Variants in BLOC1S5 observed in about 807,000 individuals in gnomAD.
The protein encoded by BLOC1S5 is biogenesis of lysosomal organelles complex 1 subunit 5, also known as biogenesis of lysosome-related organelles complex 1 subunit 5.
BLOC1S5 carries 27 observed loss-of-function variants against 24.3 expected under a neutral mutation model. The observed-to-expected ratio is 1.11, with a 90% CI of 0.82 to 1.53. The LOEUF (loss-of-function observed/expected upper bound fraction) is 1.53, where lower values mean the gene tolerates loss of function less well. Among genes scored for constraint, BLOC1S5 ranks in the 40% most tolerant of loss-of-function variants. The pLI, the probability that BLOC1S5 is intolerant of heterozygous loss-of-function variation, is 0.00. For missense variants in BLOC1S5, 239 were observed against 229.4 expected (o/e 1.04, Z -0.27); for synonymous variants, 84 against 74.5 (o/e 1.13, Z -0.66).
At chr6:8,044,799 G>A (rs1192139278) in intron 2 of BLOC1S5, among the ~76,000 whole-genome samples, 1 of 152,150 alleles carries the variant, frequency 6.6e-6, no homozygotes, top group South Asian at 2.1e-4. Context: ...GAGAGTATCT[G>A]GTGGAAGAAA....
At chr6:8,031,707 G>A (rs576767418) in intron 3 of BLOC1S5, among the ~76,000 whole-genome samples, 2 of 152,200 alleles carry the variant, frequency 1.3e-5, no homozygotes, top group Admixed American at 1.3e-4. Context: ...CACACTACCT[G>A]ACTTCAAACT....
In BLOC1S5 at chr6:8,064,380, G is replaced by A. The variant is rs751710750; in HGVS notation, c.-4C>T. 7 of 1,606,554 alleles carry A rather than the reference G, an allele frequency of 4.4e-6. No homozygotes were observed. The highest frequency in any genetic ancestry group is 2.7e-5 in the African/African-American group (2 of 74,864). On this transcript the variant is annotated 5_prime_UTR_variant, in exon 1 of 5. Coordinates refer to ENST00000397457, the MANE Select transcript of BLOC1S5 (RefSeq NM_201280.3). ...TCTCTGTCCCTCCGCCACTCATCCCGACCAGTTCCGCCCACCCGCGGCCAC... is the reference window on the plus strand; with the variant it reads ...TCTCTGTCCCTCCGCCACTCATCCCAACCAGTTCCGCCCACCCGCGGCCAC...
intron 1 of BLOC1S5, 118 bp from the exon 2 acceptor site, chr6:8,062,734 G>T: frequency 1.6e-6 from 1 of 629,794 alleles, no homozygotes; most frequent in Non-Finnish European, 2.7e-6. Context: ...TTAGACTATG[G>T]ACTAAGAAGA....
rs1757303711 is a variant in BLOC1S5 at position 8,062,598 on chromosome 6, G to A, written c.131C>T (p.Ser44Leu). 1 of 1,601,356 alleles carries A rather than the reference G, an allele frequency of 6.2e-7. No homozygotes were observed. The highest frequency in any genetic ancestry group is 1.7e-4 in the Middle Eastern group (1 of 6,008). ...LIIKDLGEIH[S>L]RLLDHRPVIQ... is the part of the protein sequence containing the mutation. ...AACTGGTCTGTGATCCAAAAGCCTT[G>A]AATGAATTTCTCCAAGATCTATAAA... Residue 44 changes from serine to leucine, a missense_variant, in exon 2 of 5, where the codon TCA (serine) becomes TTA (leucine). Transcript: ENST00000397457.
At chr6:8,027,822 C>CAA (rs34329491) in intron 3 of BLOC1S5, among the ~76,000 whole-genome samples, 17,089 of 125,128 alleles carry the variant, frequency 0.14, 1,374 homozygotes, top group South Asian at 0.29. Flanking sequence ...GACTCCATCT[C>CAA]AAAAAAAAAA....
intron 2 of BLOC1S5, among the ~76,000 whole-genome samples, chr6:8,061,261 A>C (rs1417673127): frequency 1.3e-5 from 2 of 152,228 alleles, no homozygotes; most frequent in South Asian, 2.1e-4. Context: ...CAAATAAATA[A>C]ATAAAATATC....
chr6:8,042,883 C>G (rs1434305508), intron 2 of BLOC1S5, among the ~76,000 whole-genome samples: 1 of 152,210 alleles, frequency 6.6e-6, no homozygotes, highest in African/African-American at 2.4e-5. Flanking sequence ...TAGGCTCAGG[C>G]AAGCTTCCCT....
At chr6:8,027,684 A>G (rs1215190826) in intron 3 of BLOC1S5, among the ~76,000 whole-genome samples, 16 of 152,258 alleles carry the variant, frequency 1.1e-4, no homozygotes, top group Non-Finnish European at 5.9e-5. Context: ...AAATACAAAA[A>G]TTAGCTGGGA....
intron 3 of BLOC1S5, among the ~76,000 whole-genome samples, chr6:8,031,829 A>G (rs1763310273): frequency 6.6e-6 from 1 of 152,210 alleles, no homozygotes; most frequent in Admixed American, 6.5e-5. Flanking sequence ...CTTACAGCCA[A>G]CTGATATTTG....
intron 2 of BLOC1S5, among the ~76,000 whole-genome samples, chr6:8,060,585 C>T (rs923132949): frequency 6.6e-6 from 1 of 152,026 alleles, no homozygotes; most frequent in Non-Finnish European, 1.5e-5. Context: ...TGACGGTGAG[C>T]TGGGTTGGGA....
At chr6:8,028,113 C>T (rs910464832) in intron 3 of BLOC1S5, among the ~76,000 whole-genome samples, 1 of 151,988 alleles carries the variant, frequency 6.6e-6, no homozygotes, top group African/African-American at 2.4e-5. Context: ...AATTGTTTTA[C>T]AATTATGTCT....
At chr6:8,052,458 G>A (rs952173552) in intron 2 of BLOC1S5, among the ~76,000 whole-genome samples, 1 of 152,286 alleles carries the variant, frequency 6.6e-6, no homozygotes, top group Admixed American at 6.5e-5. Context: ...TGATTCATGG[G>A]AAGAGGTCAA....
At chr6:8,025,760 T>C (rs1561856745) in intron 4 of BLOC1S5, among the ~76,000 whole-genome samples, 1 of 152,156 alleles carries the variant, frequency 6.6e-6, no homozygotes, top group Non-Finnish European at 1.5e-5. Flanking sequence ...TTTTCAATGT[T>C]TCTTAATAAG....
intron 4 of BLOC1S5, among the ~76,000 whole-genome samples, chr6:8,016,891 A>AAG (rs1696168691): frequency 6.6e-6 from 1 of 151,082 alleles, no homozygotes; most frequent in African/African-American, 2.4e-5. Flanking sequence ...AAAAAAAAAA[A>AAG]AAAAGAAATC....
chr6:8,019,429 T>C (rs1762848508), intron 4 of BLOC1S5, among the ~76,000 whole-genome samples: 1 of 152,036 alleles, frequency 6.6e-6, no homozygotes, highest in East Asian at 1.9e-4. Context: ...CCACCACACC[T>C]GGACAATTTT....
At chr6:8,041,483 T>C (rs1051648701) in intron 2 of BLOC1S5, among the ~76,000 whole-genome samples, 1 of 151,232 alleles carries the variant, frequency 6.6e-6, no homozygotes. Flanking sequence ...CAGCTAATTT[T>C]TTGTGTTTTT....
At position 8,044,466 on chromosome 6, in the gene BLOC1S5, G is replaced by A. The variant is rs563868695; in HGVS notation, c.196-3198C>T. Among the ~76,000 whole-genome samples the A allele has an allele frequency of 3.4e-4, 51 of 152,226 alleles. No individual in the cohort carries two copies. The Middle Eastern group carries it at 0.01, about 30-fold the overall frequency. The stretch of plus-strand genomic sequence containing the variant: ...TAAATTGGTACCAGTAGAGTGGGGC[G>A]TGGCTGAAAAGATAGAAGAAAATGT... On this transcript the variant is annotated intron_variant, in intron 2 of 4. Coordinates refer to ENST00000397457, the MANE Select transcript of BLOC1S5 (RefSeq NM_201280.3).
intron 2 of BLOC1S5, among the ~76,000 whole-genome samples, chr6:8,050,991 C>A (rs550483435): frequency 6.6e-6 from 1 of 151,592 alleles, no homozygotes; most frequent in East Asian, 2.0e-4. Flanking sequence ...AGATCGAGAC[C>A]ATCTTGGCCA....
chr6:8,029,676 G>C (rs750025880), intron 3 of BLOC1S5, among the ~76,000 whole-genome samples: 5 of 152,138 alleles, frequency 3.3e-5, no homozygotes, highest in Non-Finnish European at 7.3e-5. Flanking sequence ...AGGTCCCCTG[G>C]GAACAGAGGC....
Sources: allele counts gnomAD v4.1 joint callset (sites outside exome capture counted in the v4.1 genomes callset), GRCh38; gene constraint gnomAD v4.1.1; transcripts MANE v1.5; gene names NCBI Gene and HGNC (gene_info 2026-07-23, HGNC 2026-07-21).